The following SCN11A variants were observed in gnomAD, a reference collection of about 807,000 sequenced individuals.
SCN11A encodes the protein sodium voltage-gated channel alpha subunit 11.
A neutral mutation model predicts 162.2 loss-of-function variants in SCN11A; 122 were observed. The observed-to-expected ratio is 0.75, with a 90% CI of 0.65 to 0.87. SCN11A has a LOEUF of 0.87. Among genes scored for constraint, SCN11A ranks in the 40% least tolerant of loss-of-function variants. SCN11A has a pLI of 0.00. For synonymous variants in SCN11A, 758 were observed against 751.5 expected (o/e 1.01, Z -0.14); for missense variants, 2,015 against 2,181.6 (o/e 0.92, Z 1.52).
chr3:38,947,472 G>T (rs1007711057), intron 5 of SCN11A, among the ~76,000 whole-genome samples: 1 of 152,200 alleles, frequency 6.6e-6, no homozygotes, highest in Non-Finnish European at 1.5e-5. Flanking sequence ...AGCAGGGGAG[G>T]TGGGCATTGC....
chr3:38,913,291 A>G (rs1487256046), intron 11 of SCN11A, among the ~76,000 whole-genome samples: 1 of 152,176 alleles, frequency 6.6e-6, no homozygotes, highest in Non-Finnish European at 1.5e-5. Flanking sequence ...CTTTAAAAAA[A>G]AAGTCTATTC....
At chr3:39,012,994 C>T in intron 2 of SCN11A, among the ~76,000 whole-genome samples, 1 of 152,018 alleles carries the variant, frequency 6.6e-6, no homozygotes, top group Non-Finnish European at 1.5e-5. Flanking sequence ...TTTTTTTTAA[C>T]TGAGGATGGC....
At chr3:38,920,949 T>G in intron 10 of SCN11A, 127 bp downstream of exon 10, 1 of 855,448 alleles carries the variant, frequency 1.2e-6, no homozygotes, top group Non-Finnish European at 1.9e-6. Flanking sequence ...AGGAGCACCC[T>G]GGATGGATGA....
At chr3:38,910,326 G>A in intron 11 of SCN11A, 119 bp from the exon 12 acceptor site, 1 of 960,020 alleles carries the variant, frequency 1.0e-6, no homozygotes, top group Non-Finnish European at 1.5e-6. Context: ...CCTAGAGGAA[G>A]GGAGTATTTG....
intron 7 of SCN11A, among the ~76,000 whole-genome samples, chr3:38,943,847 G>T (rs1026987543): frequency 1.1e-4 from 16 of 152,144 alleles, no homozygotes; most frequent in Admixed American, 4.6e-4. Flanking sequence ...GAGAGAAGTT[G>T]ATTAATGAGT....
chr3:38,928,314 T>C (rs1008621552), intron 7 of SCN11A, among the ~76,000 whole-genome samples: 5 of 151,776 alleles, frequency 3.3e-5, no homozygotes, highest in East Asian at 1.9e-4. Flanking sequence ...TAAGTGTGAG[T>C]TGAACAATAA....
At chr3:38,849,850 T>C (rs557246663) in intron 29 of SCN11A, 170 of 152,372 alleles carry the variant, frequency 1.1e-3, no homozygotes, top group Non-Finnish European at 2.2e-3. Flanking sequence ...AGAATGAGGC[T>C]GGTTGGTAAG....
chr3:38,946,081 C>G (rs1559549369), intron 6 of SCN11A, among the ~76,000 whole-genome samples: 1 of 152,188 alleles, frequency 6.6e-6, no homozygotes, highest in African/African-American at 2.4e-5. Flanking sequence ...CCCTGGCATA[C>G]AGCAGAAATG....
intron 2 of SCN11A, among the ~76,000 whole-genome samples, chr3:39,000,258 C>A (rs1309743110): frequency 6.6e-6 from 1 of 152,166 alleles, no homozygotes; most frequent in Non-Finnish European, 1.5e-5. Context: ...GACTTAAAAT[C>A]CTTTCCCCCT....
chr3:38,921,904 A>T (rs1472404058), intron 9 of SCN11A, among the ~76,000 whole-genome samples: 1 of 152,186 alleles, frequency 6.6e-6, no homozygotes, highest in Non-Finnish European at 1.5e-5. Context: ...CATGCTAGTA[A>T]ATATTTAAAA....
At chr3:38,899,502 C>A (rs1321148285) in intron 17 of SCN11A, among the ~76,000 whole-genome samples, 1 of 152,166 alleles carries the variant, frequency 6.6e-6, no homozygotes, top group Non-Finnish European at 1.5e-5. Flanking sequence ...CTTTGCCCCC[C>A]TTGGCGAGCC....
At chr3:38,855,209 AC>A (rs1364791923) in intron 28 of SCN11A, among the ~76,000 whole-genome samples, 1 of 152,156 alleles carries the variant, frequency 6.6e-6, no homozygotes, top group Admixed American at 6.5e-5. Context: ...GACCAGCCTC[AC>A]CAACTGTGTG....
At chr3:38,959,308 A>C (rs1448938818) in intron 3 of SCN11A, among the ~76,000 whole-genome samples, 1 of 152,242 alleles carries the variant, frequency 6.6e-6, no homozygotes, top group African/African-American at 2.4e-5. Context: ...TGATCACATA[A>C]GTAAGTGCTG....
At position 38,919,994 on chromosome 3, in the gene SCN11A, G is replaced by A. The variant is rs1553640641; in HGVS notation, c.900C>T (p.Cys300=). 2 of 1,611,908 alleles carry A rather than the reference G, an allele frequency of 1.2e-6. No homozygotes were observed. The highest frequency in any genetic ancestry group is 2.2e-5 in the East Asian group (1 of 44,828). The part of the protein sequence containing the change: ...NISNPEAYDH[C]FEKKENSPEF... ...CAGGTGAATTTTCTTTCTTTTCAAA[G>A]CAATGGTCTGAGAGAGGAAAAAGTC... Residue 300 remains cysteine (C), a synonymous_variant, in exon 11 of 30, where the codon TGC becomes TGT. Coordinates refer to ENST00000302328, the MANE Select transcript of SCN11A (RefSeq NM_001349253.2).
chr3:38,937,069 A>G (rs2066345993), intron 7 of SCN11A, among the ~76,000 whole-genome samples: 2 of 152,184 alleles, frequency 1.3e-5, no homozygotes, highest in South Asian at 2.1e-4. Flanking sequence ...ACAACGCCGC[A>G]TATCTACAAC....
intron 29 of SCN11A, chr3:38,849,319 T>C (rs2064736646): frequency 7.2e-6 from 1 of 139,682 alleles, no homozygotes; most frequent in Non-Finnish European, 1.5e-5. Flanking sequence ...GTGATTGGAA[T>C]TGACTAATAA....
intron 2 of SCN11A, among the ~76,000 whole-genome samples, chr3:38,988,101 A>G (rs1559565535): frequency 1.3e-5 from 2 of 152,180 alleles, no homozygotes; most frequent in South Asian, 4.1e-4. Context: ...TGGTGACAAC[A>G]GAGCATTAAA....
chr3:38,885,508 A>G, intron 20 of SCN11A, 106 bp from the exon 21 acceptor site: 1 of 675,440 alleles, frequency 1.5e-6, no homozygotes. Context: ...GAAATGAACT[A>G]GGCAAAGGTT....
At chr3:39,003,633 T>C (rs577933935) in intron 2 of SCN11A, among the ~76,000 whole-genome samples, 1 of 152,354 alleles carries the variant, frequency 6.6e-6, no homozygotes, top group African/African-American at 2.4e-5. Flanking sequence ...GTTGAACTAA[T>C]TTACACTTCC....
Sources: allele counts gnomAD v4.1 joint callset (sites outside exome capture counted in the v4.1 genomes callset), GRCh38; gene constraint gnomAD v4.1.1; transcripts MANE v1.5; gene names NCBI Gene and HGNC (gene_info 2026-07-23, HGNC 2026-07-21).